The following ATP13A4 variants were observed in gnomAD, a reference collection of about 807,000 sequenced individuals.
ATP13A4 encodes the protein ATPase 13A4, also known as probable cation-transporting ATPase 13A4.
ATP13A4 carries 114 observed loss-of-function variants against 142.5 expected under a neutral mutation model. The observed-to-expected ratio is 0.80, with a 90% CI of 0.69 to 0.93. ATP13A4 has a LOEUF of 0.93. Among genes scored for constraint, ATP13A4 ranks in the 40% least tolerant of loss-of-function variants. The pLI, the probability that ATP13A4 is intolerant of heterozygous loss-of-function variation, is 0.00. For missense variants in ATP13A4, 1,392 were observed against 1,454.0 expected (o/e 0.96, Z 0.69); for synonymous variants, 488 against 514.8 (o/e 0.95, Z 0.70).
intron 25 of ATP13A4, among the ~76,000 whole-genome samples, chr3:193,429,498 T>C (rs1715855995): frequency 6.6e-6 from 1 of 152,056 alleles, no homozygotes; most frequent in Non-Finnish European, 1.5e-5. Flanking sequence ...TGTTACAAAA[T>C]GGATTATACT....
chr3:193,465,164 A>C (rs1718194064), intron 11 of ATP13A4, 36 bp from the exon 12 acceptor site: 1 of 1,601,304 alleles, frequency 6.2e-7, no homozygotes, highest in Admixed American at 1.7e-5. Context: ...TTACAGACAA[A>C]TCTCTGATGA....
intron 25 of ATP13A4, among the ~76,000 whole-genome samples, chr3:193,422,142 G>T (rs528694103): frequency 6.7e-6 from 1 of 150,098 alleles, no homozygotes; most frequent in Non-Finnish European, 1.5e-5. Context: ...GAGCAAGATT[G>T]GCTATATTTA....
intron 16 of ATP13A4, among the ~76,000 whole-genome samples, chr3:193,456,611 G>A (rs1387180518): frequency 6.6e-6 from 1 of 152,132 alleles, no homozygotes. Context: ...ACAGTACAGA[G>A]GGCAAATCAA....
At chr3:193,466,598 C>T (rs1014302438) in intron 10 of ATP13A4, among the ~76,000 whole-genome samples, 3 of 152,206 alleles carry the variant, frequency 2.0e-5, no homozygotes, top group African/African-American at 7.2e-5. Context: ...CAGTTTCTAG[C>T]CCACCCTGGA....
intron 28 of ATP13A4, among the ~76,000 whole-genome samples, chr3:193,408,195 T>C (rs913171831): frequency 6.6e-6 from 1 of 152,246 alleles, no homozygotes; most frequent in Non-Finnish European, 1.5e-5. Flanking sequence ...ACTGAAACAG[T>C]TCCATAGAGG....
At chr3:193,441,360 T>G in intron 20 of ATP13A4, 106 bp downstream of exon 20, 1 of 1,388,136 alleles carries the variant, frequency 7.2e-7, no homozygotes, top group Non-Finnish European at 1.0e-6. Context: ...GAAAACTCAC[T>G]GAGTATATTT....
In ATP13A4 at chr3:193,502,649, T is replaced by G. The variant is rs751932880; in HGVS notation, c.235-10A>C. On this transcript the variant is annotated splice_polypyrimidine_tract_variant and intron_variant, in intron 2 of 29. Transcript: ENST00000342695. Reference sequence around the variant, plus strand: ...AAATTTGGAATTCATCCTGAGGAGATAGACATCAAAACCCCCAAGAAGTTA... The same window carrying G: ...AAATTTGGAATTCATCCTGAGGAGAGAGACATCAAAACCCCCAAGAAGTTA... The G allele has an allele frequency of 1.2e-6, 2 of 1,613,454 alleles. No individual in the cohort carries two copies. The highest frequency in any genetic ancestry group is 1.7e-4 in the Middle Eastern group (1 of 6,060).
chr3:193,572,063 T>C (rs1460093708), intron 2 of ATP13A4, among the ~76,000 whole-genome samples: 1 of 152,010 alleles, frequency 6.6e-6, no homozygotes, highest in African/African-American at 2.4e-5. Flanking sequence ...CTCAGCAACA[T>C]GGCAAAACCC....
At chr3:193,418,657 C>G (rs1715243859) in intron 25 of ATP13A4, among the ~76,000 whole-genome samples, 1 of 149,860 alleles carries the variant, frequency 6.7e-6, no homozygotes, top group Non-Finnish European at 1.5e-5. Flanking sequence ...CCCATCAACA[C>G]CCTGGACACC....
intron 28 of ATP13A4, among the ~76,000 whole-genome samples, chr3:193,407,604 T>TG (rs577083245): frequency 7.2e-5 from 11 of 152,222 alleles, no homozygotes; most frequent in Non-Finnish European, 1.2e-4. Context: ...CCTAATGATT[T>TG]GGGGGGGTTA....
chr3:193,413,779 T>C (rs1714902892), intron 26 of ATP13A4, among the ~76,000 whole-genome samples: 1 of 152,206 alleles, frequency 6.6e-6, no homozygotes, highest in African/African-American at 2.4e-5. Context: ...TGTTTTCTGT[T>C]GCTTAAGATG....
intron 1 of ATP13A4, among the ~76,000 whole-genome samples, chr3:193,518,079 A>T (rs1275905877): frequency 6.6e-6 from 1 of 152,212 alleles, no homozygotes; most frequent in Non-Finnish European, 1.5e-5. Context: ...TTATTTTCAC[A>T]TAAAAATTAA....
chr3:193,425,409 TC>T, intron 25 of ATP13A4, among the ~76,000 whole-genome samples: 1 of 151,828 alleles, frequency 6.6e-6, no homozygotes, highest in East Asian at 1.9e-4. Context: ...ATATCTGCAC[TC>T]CCGTGTTTAT....
Position 193,458,944 on chromosome 3 carries a change from A to T in ATP13A4, c.1674+137T>A, listed in dbSNP as rs73080866. 3.1e-3 allele frequency: 3,498 copies of T among 1,145,716 alleles called. 87 individuals are homozygous for T. The African/African-American group carries it at 0.047, about 16-fold the overall frequency. The allele number at this position is 1,145,716 out of a possible 1,614,324, so 71.0% of individuals were successfully genotyped here. On this transcript the variant is annotated intron_variant, in intron 14 of 29. Transcript: ENST00000342695. ...GCACAGATGAGGAAACCAGCCTTAG[A>T]TTGGTTTGCCCTTCACTACCAAATG...
rs368844466 is a variant in ATP13A4, at chr3:193,509,238, A to C, written c.234+5460T>G. Among the ~76,000 whole-genome samples the C allele has an allele frequency of 1.2e-4, 19 of 152,222 alleles. 1 individual carries two copies. In the South Asian group the frequency reaches 3.5e-3, roughly 28 times the overall value. Reference sequence around the variant, plus strand: ...CAGAAAGCCTTCCCTGACTGTTTTGACTTGGCCAAATCTCTATTATGTAAT... The same window carrying C: ...CAGAAAGCCTTCCCTGACTGTTTTGCCTTGGCCAAATCTCTATTATGTAAT... On this transcript the variant is annotated intron_variant, in intron 2 of 29. Coordinates refer to ENST00000342695, the MANE Select transcript of ATP13A4 (RefSeq NM_032279.4).
At chr3:193,566,132 C>A (rs984775573) in intron 2 of ATP13A4, among the ~76,000 whole-genome samples, 2 of 152,118 alleles carry the variant, frequency 1.3e-5, no homozygotes, top group Non-Finnish European at 2.9e-5. Flanking sequence ...TTCTTTCTCC[C>A]TAGATAATTC....
At chr3:193,430,260 C>T (rs561825421) in intron 25 of ATP13A4, among the ~76,000 whole-genome samples, 7 of 152,152 alleles carry the variant, frequency 4.6e-5, no homozygotes, top group Admixed American at 2.6e-4. Context: ...AATTTGGCTT[C>T]GTGTGAAGGG....
At chr3:193,433,941 C>T (rs1262836267) in intron 24 of ATP13A4, 24 bp from the exon 25 acceptor site, 5 of 1,591,702 alleles carry the variant, frequency 3.1e-6, no homozygotes, top group Non-Finnish European at 4.3e-6. Context: ...GAAAGCAGAT[C>T]AAAAAAGTTG....
At chr3:193,492,768 G>A (rs1720014053) in intron 5 of ATP13A4, 149 bp downstream of exon 5, 2 of 661,340 alleles carry the variant, frequency 3.0e-6, no homozygotes, top group South Asian at 1.9e-5. Flanking sequence ...GTAATATAAT[G>A]TATGTGAAAG....
Sources: allele counts gnomAD v4.1 joint callset (sites outside exome capture counted in the v4.1 genomes callset), GRCh38; gene constraint gnomAD v4.1.1; transcripts MANE v1.5; gene names NCBI Gene and HGNC (gene_info 2026-07-23, HGNC 2026-07-21).